Variants in RPP40 observed in about 807,000 individuals in gnomAD.
The protein encoded by RPP40 is ribonuclease P protein subunit p40.
A neutral mutation model predicts 42.5 loss-of-function variants in RPP40; 30 were observed. The ratio of observed to expected loss-of-function variants is 0.71; its 90% confidence interval spans 0.53 to 0.96. The LOEUF is 0.96. Among genes scored for constraint, RPP40 ranks in the 40% least tolerant of loss-of-function variants. The pLI, the probability that RPP40 is intolerant of heterozygous loss-of-function variation, is 0.00. For synonymous variants in RPP40, 173 were observed against 164.0 expected, an observed-to-expected ratio of 1.05 and a Z score of -0.42; for missense variants, 426 against 433.5, an observed-to-expected ratio of 0.98 and a Z score of 0.15.
the RPP40 span, among the ~76,000 whole-genome samples, chr6:4,988,466 C>A: frequency 1.3e-5 from 2 of 152,118 alleles, no homozygotes; most frequent in Admixed American, 1.3e-4. Context: ...CCTGTTACAG[C>A]CACACTGACC....
rs754967021 is a variant in RPP40, at chr6:5,002,213, T to C, written c.156A>G (p.Leu52=). 8.7e-6 allele frequency: 14 copies of C among 1,613,540 alleles called. No individual in the cohort carries two copies. The highest frequency in any genetic ancestry group is 1.7e-5 in the Admixed American group (1 of 59,972). ...TGACCAGGTTTTTCAGTTCTTCCGATAGTATCCCACATTCAGGAATGAGAA... is the reference window on the plus strand; with the variant it reads ...TGACCAGGTTTTTCAGTTCTTCCGACAGTATCCCACATTCAGGAATGAGAA... The part of the protein sequence containing the change: ...VSFLIPECGI[L]SEELKNLVMN... Residue 52 remains leucine (L), a synonymous_variant, in exon 2 of 8, where the codon CTA becomes CTG. Coordinates refer to ENST00000380051, the MANE Select transcript of RPP40 (RefSeq NM_006638.4).
rs902525311 is a variant in RPP40 at position 5,003,987 on chromosome 6, G to C, written c.16C>G (p.Arg6Gly). Reference sequence around the variant, plus strand: ...AAGTGCCGCGGCGCCTCCCGAAGCCGGCGCAGCGTGGCCATGCTCTCCTGG... The same window carrying C: ...AAGTGCCGCGGCGCCTCCCGAAGCCCGCGCAGCGTGGCCATGCTCTCCTGG... MATLR[R>G]LREAPRHLLV... Residue 6 changes from arginine (R) to glycine (G), a missense_variant, in exon 1 of 8, where the codon CGG becomes GGG. Coordinates refer to ENST00000380051, the MANE Select transcript of RPP40 (RefSeq NM_006638.4). 1.2e-6 allele frequency: 2 copies of C among 1,610,072 alleles called. No individual in the cohort carries two copies. Among genetic ancestry groups the C allele is most frequent in the Middle Eastern group, 1.7e-4 (1 of 6,048 alleles).
rs1759379032 is a variant in RPP40 at position 4,996,277 on chromosome 6, A to G, written c.703T>C (p.Cys235Arg). 1 of 1,614,020 alleles carries G rather than the reference A, an allele frequency of 6.2e-7. No homozygotes were observed. Among genetic ancestry groups the G allele is most frequent in the Non-Finnish European group, 8.5e-7 (1 of 1,180,040 alleles). The change falls in exon 6 of 8, where the codon TGC becomes CGC. Residue 235 changes from cysteine to arginine, a missense_variant. Transcript: ENST00000380051. ...CAGTCGAAGAGCTCCAGAGCCCGGC[A>G]GGACACCTCTGGCGTTCCCTCCAGC... Reference protein sequence around the residue: ...SELEGTPEVSCRALELFDWLG... With the variant: ...SELEGTPEVSRRALELFDWLG...
At chr6:5,004,034 CGCTGGCGGGGCA>C in exon 1 of RPP40, 1 of 1,568,022 alleles carries the variant, frequency 6.4e-7, no homozygotes, top group Non-Finnish European at 8.6e-7. Context: ...TCCCGGCCTC[CGCTGGCGGGGCA>C]CGCCCCGCCC....
At chr6:5,001,582 A>G (rs1350217951) in intron 2 of RPP40, among the ~76,000 whole-genome samples, 2 of 152,242 alleles carry the variant, frequency 1.3e-5, no homozygotes, top group African/African-American at 4.8e-5. Context: ...CCAGGAATCA[A>G]CTGAAACAAA....
chr6:5,001,100 G>C (rs1384392513), intron 2 of RPP40: 1 of 456,840 alleles, frequency 2.2e-6, no homozygotes, highest in Non-Finnish European at 4.4e-6. Context: ...TGACCTTTGG[G>C]GATGCGCGGA....
At chr6:4,995,854 A>G in intron 7 of RPP40, 97 bp downstream of exon 7, 1 of 1,205,464 alleles carries the variant, frequency 8.3e-7, no homozygotes, top group Non-Finnish European at 1.2e-6. Context: ...TGTACATTTT[A>G]TTTATATACC....
intron 1 of RPP40, among the ~76,000 whole-genome samples, chr6:5,003,101 C>T (rs1421409910): frequency 1.3e-5 from 2 of 152,098 alleles, no homozygotes; most frequent in African/African-American, 2.4e-5. Flanking sequence ...GTAATCCCAG[C>T]ACTTTGGGAG....
downstream of RPP40, among the ~76,000 whole-genome samples, chr6:4,993,006 C>T (rs770251031): frequency 6.6e-5 from 10 of 152,218 alleles, no homozygotes; most frequent in East Asian, 5.8e-4. Context: ...AATCTTCAAG[C>T]TATTGTGGTC....
chr6:4,994,362 G>A (rs181489830), downstream of RPP40, among the ~76,000 whole-genome samples: 437 of 151,518 alleles, frequency 2.9e-3, 2 homozygotes, highest in Middle Eastern at 0.01. Flanking sequence ...TAACCTGCAC[G>A]TTGTGCACAT....
downstream of RPP40, among the ~76,000 whole-genome samples, chr6:4,991,187 C>T (rs1186423416): frequency 3.3e-5 from 5 of 151,986 alleles, no homozygotes; most frequent in Non-Finnish European, 7.4e-5. Flanking sequence ...CTTCTGCTTA[C>T]TTTGAGTTTT....
Position 4,995,143 on chromosome 6 carries a change from T to C in RPP40, c.1027A>G (p.Ile343Val), listed in dbSNP as rs1759330743. ...KGGEHLYNFV[I>V]FNNQDYWLQM... ...AGCCAATAGTCCTGATTATTAAAAA[T>C]CACAAAGTTATATAAATGTTCTCCT... The change falls in exon 8 of 8, where the codon ATT (isoleucine) becomes GTT (valine). Residue 343 changes from isoleucine to valine, a missense_variant. Physicochemically the swap from Ile to Val is conservative, Grantham distance 29 (BLOSUM62 3). Coordinates refer to ENST00000380051, the MANE Select transcript of RPP40 (RefSeq NM_006638.4). 3.1e-6 allele frequency: 5 copies of C among 1,614,054 alleles called. No individual in the cohort carries two copies. In the African/African-American group the frequency reaches 6.7e-5, roughly 22 times the overall value.
chr6:4,996,355 C>T lies in RPP40; in HGVS notation c.625G>A (p.Val209Ile), dbSNP rs1759383840. 2 of 1,614,094 alleles carry T rather than the reference C, an allele frequency of 1.2e-6. No individual in the cohort carries two copies. Residue 209 changes from valine to isoleucine, a missense_variant, in exon 6 of 8, where the codon GTA becomes ATA. Transcript: ENST00000380051. Reference sequence around the variant, plus strand: ...AGATCTCTCAACGTGCTCAGTGCTACTTTTGGCTGATGCTCCTGAATTTGG... The same window carrying T: ...AGATCTCTCAACGTGCTCAGTGCTATTTTTGGCTGATGCTCCTGAATTTGG... ...KYQIQEHQPK[V>I]ALSTLRDLQC...
At chr6:4,997,187 G>A (rs1253443111) in intron 5 of RPP40, among the ~76,000 whole-genome samples, 2 of 152,158 alleles carry the variant, frequency 1.3e-5, no homozygotes, top group Non-Finnish European at 2.9e-5. Flanking sequence ...CTGGATGAAG[G>A]GTCATCTAGA....
At chr6:4,991,298 G>T (rs566534759), downstream of RPP40, among the ~76,000 whole-genome samples, 4 of 152,200 alleles carry the variant, frequency 2.6e-5, no homozygotes, top group South Asian at 6.2e-4. Flanking sequence ...CTTTTTAAAT[G>T]GTCTATAATG....
chr6:4,989,612 G>A, the RPP40 span, among the ~76,000 whole-genome samples: 1,223 of 152,232 alleles, frequency 8.0e-3, 16 homozygotes, highest in African/African-American at 0.028. Flanking sequence ...TATCATATCA[G>A]TATTTTGTAG....
At chr6:4,991,576 T>C (rs1683532564), downstream of RPP40, among the ~76,000 whole-genome samples, 1 of 152,200 alleles carries the variant, frequency 6.6e-6, no homozygotes, top group Admixed American at 6.5e-5. Context: ...TTCTTATTGA[T>C]TTTCTGCCTA....
intron 1 of RPP40, 168 bp downstream of exon 1, chr6:5,003,712 C>G: frequency 1.2e-6 from 1 of 820,582 alleles, no homozygotes; most frequent in South Asian, 2.1e-5. Context: ...CTGCAAGCCA[C>G]TGGCTTAGAG....
At chr6:4,994,508 A>G (rs762140225), downstream of RPP40, among the ~76,000 whole-genome samples, 4 of 152,222 alleles carry the variant, frequency 2.6e-5, no homozygotes, top group Non-Finnish European at 4.4e-5. Context: ...GTAACGATTT[A>G]CAGTATCCAT....
Sources: gnomAD v4.1 joint callset for allele counts (sites outside exome capture counted in the v4.1 genomes callset) on GRCh38, gnomAD v4.1.1 for gene constraint, MANE v1.5 for transcripts, NCBI Gene and HGNC (gene_info 2026-07-23, HGNC 2026-07-21) for gene names.